Variants in PCDHGA2 observed in about 807,000 individuals in gnomAD.
PCDHGA2 encodes protocadherin gamma-A2.
In PCDHGA2, 40 loss-of-function variants were observed where a neutral mutation model predicts 59.2. The ratio of observed to expected loss-of-function variants is 0.68; its 90% CI spans 0.52 to 0.88. The LOEUF (loss-of-function observed/expected upper bound fraction) is 0.88, where lower values mean the gene tolerates loss of function less well. Among genes scored for constraint, PCDHGA2 ranks in the 40% least tolerant of loss-of-function variants. The pLI is 0.00. For synonymous variants in PCDHGA2, 560 were observed against 526.0 expected (o/e 1.06, Z -0.89); for missense variants, 1,226 against 1,204.0 (o/e 1.02, Z -0.27).
At position 141,477,763 on chromosome 5, in the gene PCDHGA2, C is replaced by A. The variant is rs763322593; in HGVS notation, c.2425-17044C>A. On this transcript the variant is annotated intron_variant, in intron 1 of 3. Coordinates refer to ENST00000394576, the MANE Select transcript of PCDHGA2 (RefSeq NM_018915.4). The surrounding 1 kb of genome is among the most constrained non-coding windows in gnomAD (Gnocchi z 4.9). ...ATGGGGGCACCCCGGTCCTAGCCAC[C>A]AACATCAGCGTGAACATATTTGTCA... 5.0e-6 allele frequency: 8 copies of A among 1,613,894 alleles called. No homozygotes were observed. The East Asian group carries it at 1.6e-4, about 31-fold the overall frequency.
In PCDHGA2 at chr5:141,432,927, G is replaced by A; in HGVS notation, c.2425-61880G>A. On this transcript the variant is annotated intron_variant, in intron 1 of 3. Coordinates refer to ENST00000394576, the MANE Select transcript of PCDHGA2 (RefSeq NM_018915.4). This position sits in a 1 kb window ranked among gnomAD's most constrained non-coding sequence, Gnocchi z 6.0. ...AGGCTGCGGCGCTGGCACAAGTCACGCCTGCTGCAGGCTTCAGGAGGCGGC... is the reference window on the plus strand; with the variant it reads ...AGGCTGCGGCGCTGGCACAAGTCACACCTGCTGCAGGCTTCAGGAGGCGGC... 6.2e-7 allele frequency: 1 copy of A among 1,614,162 alleles called. No individual in the cohort carries two copies. Among genetic ancestry groups the A allele is most frequent in the Non-Finnish European group, 8.5e-7 (1 of 1,180,032 alleles).
intron 1 of PCDHGA2, chr5:141,352,039 C>T (rs1320731784): frequency 6.2e-7 from 1 of 1,608,678 alleles, no homozygotes; most frequent in South Asian, 1.1e-5. Context: ...TGGACGCAGA[C>T]TCAGGACACA....
intron 1 of PCDHGA2, chr5:141,394,704 G>A (rs1357305999): frequency 1.2e-6 from 2 of 1,613,268 alleles, no homozygotes; most frequent in East Asian, 2.2e-5. Context: ...CACGGCGCGA[G>A]CCCTGCTGGA....
At chr5:141,364,986 A>C (rs1223018710) in intron 1 of PCDHGA2, 1 of 1,613,768 alleles carries the variant, frequency 6.2e-7, no homozygotes. Context: ...GATGGCGGAG[A>C]CCCGGTACTC....
chr5:141,372,534 C>A (rs752225423), intron 1 of PCDHGA2: 49 of 1,613,884 alleles, frequency 3.0e-5, no homozygotes, highest in Non-Finnish European at 4.0e-5. Context: ...AATCTCCCTG[C>A]GCCTGCGATG....
intron 2 of PCDHGA2, among the ~76,000 whole-genome samples, chr5:141,505,177 A>G (rs917485235): frequency 6.6e-6 from 1 of 152,180 alleles, no homozygotes; most frequent in East Asian, 1.9e-4. Flanking sequence ...AAAAGAAAAA[A>G]GCATCGGAGG....
At chr5:141,350,601 T>C in intron 1 of PCDHGA2, 1 of 1,614,050 alleles carries the variant, frequency 6.2e-7, no homozygotes, top group Non-Finnish European at 8.5e-7. Flanking sequence ...ATGAATGTTT[T>C]CCACGTGGTT....
In PCDHGA2 at chr5:141,510,976, G is replaced by A. The variant is rs752758180; in HGVS notation, c.2602G>A (p.Gly868Arg). The change falls in exon 4 of 4, where the codon GGG (glycine) becomes AGG (arginine). Residue 868 changes from glycine to arginine, a missense_variant. Gly to Arg is a moderately radical substitution (Grantham distance 125, BLOSUM62 -2). Transcript: ENST00000394576. ...EAADGSSTLG[G>R]GAGTMGLSAR... ...TGCTGATGGGAGCTCCACCCTGGGA[G>A]GGGGTGCCGGCACCATGGGATTGAG... The A allele has an allele frequency of 5.0e-6, 8 of 1,614,046 alleles. No individual in the cohort carries two copies. The highest frequency in any genetic ancestry group is 6.8e-6 in the Non-Finnish European group (8 of 1,180,022).
intron 1 of PCDHGA2, chr5:141,375,531 A>G: frequency 1.2e-6 from 2 of 1,614,040 alleles, no homozygotes; most frequent in Non-Finnish European, 1.7e-6. Context: ...GACGTGGACC[A>G]GAACGCCCAA....
chr5:141,344,844 G>T, intron 1 of PCDHGA2: 1 of 1,613,938 alleles, frequency 6.2e-7, no homozygotes, highest in East Asian at 2.2e-5. Context: ...TGACCCTGAC[G>T]AGGGATTCAA....
chr5:141,462,268 A>C (rs982301403), intron 1 of PCDHGA2, among the ~76,000 whole-genome samples: 3 of 152,196 alleles, frequency 2.0e-5, no homozygotes, highest in African/African-American at 7.2e-5. Flanking sequence ...CCTAAAGTGT[A>C]TTGTTTAGTC....
At chr5:141,428,305 G>A (rs751498223) in intron 1 of PCDHGA2, 8 of 694,348 alleles carry the variant, frequency 1.2e-5, no homozygotes, top group African/African-American at 1.8e-5. Flanking sequence ...GATTTACCTG[G>A]TCGTGGCCTT....
chr5:141,345,402 T>G, intron 1 of PCDHGA2: 2 of 1,613,996 alleles, frequency 1.2e-6, no homozygotes, highest in East Asian at 2.2e-5. Flanking sequence ...TCATTTATCC[T>G]ACTCCGCCTA....
chr5:141,449,718 G>A (rs2098653155), intron 1 of PCDHGA2, among the ~76,000 whole-genome samples: 2 of 150,760 alleles, frequency 1.3e-5, no homozygotes, highest in Admixed American at 6.6e-5. Flanking sequence ...ATTTTTATAT[G>A]ATATGATTTT....
intron 1 of PCDHGA2, among the ~76,000 whole-genome samples, chr5:141,459,035 A>T (rs1404092581): frequency 6.6e-6 from 1 of 152,218 alleles, no homozygotes; most frequent in Non-Finnish European, 1.5e-5. Context: ...ATCCAGCCTT[A>T]CCAGCTATAT....
At chr5:141,457,568 T>A (rs1397626206) in intron 1 of PCDHGA2, among the ~76,000 whole-genome samples, 1 of 152,190 alleles carries the variant, frequency 6.6e-6, no homozygotes, top group African/African-American at 2.4e-5. Context: ...TGGAGCAAAA[T>A]TTTTCTCTCC....
At chr5:141,480,584 G>A (rs1421730652) in intron 1 of PCDHGA2, among the ~76,000 whole-genome samples, 1 of 134,606 alleles carries the variant, frequency 7.4e-6, no homozygotes, top group Non-Finnish European at 1.6e-5. Context: ...AATAACTGCC[G>A]CTCTTCTGGT....
intron 1 of PCDHGA2, chr5:141,421,565 A>T (rs1373619696): frequency 1.2e-6 from 2 of 1,613,834 alleles, no homozygotes; most frequent in Admixed American, 3.3e-5. Context: ...CTCGTGGAAG[A>T]CACCTTGAAG....
Position 141,434,824 on chromosome 5 carries a change from A to C in PCDHGA2, c.2425-59983A>C, listed in dbSNP as rs143305842. ...CTTGGAGAAATATATCCCTTAGTACACTTGGCATTTATAAAGCAGACATCA... is the reference window on the plus strand; with the variant it reads ...CTTGGAGAAATATATCCCTTAGTACCCTTGGCATTTATAAAGCAGACATCA... On this transcript the variant is annotated intron_variant, in intron 1 of 3. Coordinates refer to ENST00000394576, the MANE Select transcript of PCDHGA2 (RefSeq NM_018915.4). 7.9e-4 allele frequency among the ~76,000 whole-genome samples: 120 copies of C among 152,004 alleles called. 2 individuals are homozygous for C. The highest frequency in any genetic ancestry group is 2.8e-3 in the African/African-American group (115 of 41,454).
Sources: allele counts gnomAD v4.1 joint callset (sites outside exome capture counted in the v4.1 genomes callset), GRCh38; gene constraint gnomAD v4.1.1; non-coding constraint Gnocchi (gnomAD v3.1); transcripts MANE v1.5; gene names NCBI Gene and HGNC (gene_info 2026-07-23, HGNC 2026-07-21).